CNTNAP5: variants seen among roughly 807,000 people sequenced by gnomAD.
CNTNAP5 encodes the protein contactin associated protein family member 5, also known as contactin-associated protein-like 5.
In CNTNAP5, 72 loss-of-function variants were observed where a neutral mutation model predicts 150.2. That is an observed-to-expected ratio of 0.48 (90% confidence interval 0.40 to 0.58). CNTNAP5 has a LOEUF of 0.58. Among genes scored for constraint, CNTNAP5 ranks in the 20% least tolerant of loss-of-function variants. The pLI, the probability that CNTNAP5 is intolerant of heterozygous loss-of-function variation, is 0.00. For missense variants in CNTNAP5, 1,636 were observed against 1,626.2 expected (o/e 1.01, Z -0.10); for synonymous variants, 672 against 619.8 (o/e 1.08, Z -1.25).
At chr2:124,120,059 T>C (rs765029023) in intron 1 of CNTNAP5, among the ~76,000 whole-genome samples, 2 of 152,182 alleles carry the variant, frequency 1.3e-5, no homozygotes, top group African/African-American at 2.4e-5. Context: ...CCAAGATCAC[T>C]CTACTGTGCA....
At chr2:124,300,703 A>G (rs1203493917) in intron 3 of CNTNAP5, among the ~76,000 whole-genome samples, 1 of 152,174 alleles carries the variant, frequency 6.6e-6, no homozygotes, top group Non-Finnish European at 1.5e-5. Flanking sequence ...AGGGCCAGGA[A>G]CTTTTTCATT....
At chr2:124,608,492 A>G (rs1054094986) in intron 11 of CNTNAP5, among the ~76,000 whole-genome samples, 1 of 152,172 alleles carries the variant, frequency 6.6e-6, no homozygotes, top group Non-Finnish European at 1.5e-5. Flanking sequence ...TTTCTGGGGT[A>G]GAGATTTATT....
At position 124,255,446 on chromosome 2, in the gene CNTNAP5, C is replaced by T. The variant is rs570471387; in HGVS notation, c.381+13053C>T. Among the ~76,000 whole-genome samples the T allele has an allele frequency of 2.4e-3, 359 of 151,872 alleles. 2 individuals carry two copies. The highest frequency in any genetic ancestry group is 0.014 in the Middle Eastern group (4 of 294). On this transcript the variant is annotated intron_variant, in intron 3 of 23. Coordinates refer to ENST00000682447, the MANE Select transcript of CNTNAP5 (RefSeq NM_001367498.1). ...GGCTGAGGCAGGAGAATCGCTTGAA[C>T]CAGGTAGGCAGAGGCTGCAGTTAGC...
At chr2:124,442,864 T>C (rs1034692980) in intron 5 of CNTNAP5, among the ~76,000 whole-genome samples, 1 of 152,210 alleles carries the variant, frequency 6.6e-6, no homozygotes, top group African/African-American at 2.4e-5. Flanking sequence ...ACCTTATTCT[T>C]ATTAAAAGAA....
Position 124,813,378 on chromosome 2 carries a change from GT to G in CNTNAP5, c.3217+15068del, listed in dbSNP as rs111265761. ...AGGCATGAGCCACCGTGCCTGGCCT[GT>G]TTTTTTTTTCTTTTTTTTTCTTTTT... On this transcript the variant is annotated intron_variant, in intron 19 of 23. Transcript: ENST00000682447. 4.2e-3 allele frequency among the ~76,000 whole-genome samples: 604 copies of G among 143,670 alleles called. 3 individuals are homozygous for G. Among genetic ancestry groups the G allele is most frequent in the East Asian group, 0.03 (149 of 4,988 alleles). 94.3% of individuals were successfully genotyped at this position (143,670 alleles called of 152,430 possible). A position where few individuals can be genotyped will look rare whatever the true frequency, so the allele number is the denominator to read the frequency against.
intron 1 of CNTNAP5, among the ~76,000 whole-genome samples, chr2:124,053,674 A>G (rs1187911594): frequency 6.6e-6 from 1 of 152,230 alleles, no homozygotes; most frequent in Non-Finnish European, 1.5e-5. Context: ...GTACAGTGTC[A>G]GGTACAATAC....
In CNTNAP5 at chr2:124,282,441, C is replaced by T. The variant is rs115364993; in HGVS notation, c.381+40048C>T. The stretch of plus-strand genomic sequence containing the variant: ...AATTGGTTGTAACAGATAATTTATG[C>T]CCTACATGCCAGAGAGTGTTCACAG... On this transcript the variant is annotated intron_variant, in intron 3 of 23. Transcript: ENST00000682447. Among the ~76,000 whole-genome samples, 337 of 152,208 alleles carry T rather than the reference C, an allele frequency of 2.2e-3. 1 individual carries two copies. Among genetic ancestry groups the T allele is most frequent in the African/African-American group, 7.8e-3 (326 of 41,542 alleles).
chr2:124,269,626 C>T (rs1687692234), intron 3 of CNTNAP5, among the ~76,000 whole-genome samples: 1 of 152,062 alleles, frequency 6.6e-6, no homozygotes, highest in East Asian at 1.9e-4. Flanking sequence ...AAGGCCTCTG[C>T]AGACTGACCC....
At chr2:124,651,673 T>A (rs992009556) in intron 13 of CNTNAP5, among the ~76,000 whole-genome samples, 2 of 152,158 alleles carry the variant, frequency 1.3e-5, no homozygotes, top group African/African-American at 4.8e-5. Flanking sequence ...TACAAGTAAA[T>A]GAAGGAGTCA....
chr2:124,891,040 C>T (rs1487470770), intron 21 of CNTNAP5, among the ~76,000 whole-genome samples: 1 of 152,034 alleles, frequency 6.6e-6, no homozygotes, highest in Non-Finnish European at 1.5e-5. Context: ...ATTAAACCAC[C>T]TCATAATTTA....
chr2:124,628,297 G>A (rs1403166121), intron 12 of CNTNAP5, among the ~76,000 whole-genome samples: 2 of 152,150 alleles, frequency 1.3e-5, no homozygotes, highest in East Asian at 1.9e-4. Flanking sequence ...GCAAAAAAAT[G>A]TTAAGAGCAG....
At chr2:124,545,192 A>G (rs1504007) in intron 10 of CNTNAP5, among the ~76,000 whole-genome samples, 63,181 of 151,908 alleles carry the variant, frequency 0.42, 13,608 homozygotes, top group East Asian at 0.63. Context: ...TTTTTCTAAA[A>G]TAAGAGAGTC....
intron 13 of CNTNAP5, among the ~76,000 whole-genome samples, chr2:124,703,910 G>A (rs1441892800): frequency 3.3e-5 from 5 of 152,196 alleles, no homozygotes; most frequent in Non-Finnish European, 5.9e-5. Flanking sequence ...ACTAAATGGG[G>A]TTTAAAGAAA....
chr2:124,135,857 G>T (rs145043881), intron 1 of CNTNAP5, among the ~76,000 whole-genome samples: 2 of 152,176 alleles, frequency 1.3e-5, no homozygotes, highest in African/African-American at 2.4e-5. Context: ...TATAAACTGC[G>T]TTTATTCCTT....
At chr2:124,582,853 A>G (rs1162087442) in intron 11 of CNTNAP5, among the ~76,000 whole-genome samples, 1 of 152,156 alleles carries the variant, frequency 6.6e-6, no homozygotes, top group Admixed American at 6.5e-5. Flanking sequence ...TTTCCTTACA[A>G]CTTTTGCCTA....
At chr2:124,032,075 T>G (rs1186308075) in intron 1 of CNTNAP5, among the ~76,000 whole-genome samples, 1 of 152,182 alleles carries the variant, frequency 6.6e-6, no homozygotes, top group Non-Finnish European at 1.5e-5. Flanking sequence ...GTCCATAACC[T>G]CAAGAAACTT....
intron 10 of CNTNAP5, among the ~76,000 whole-genome samples, chr2:124,537,187 GT>G (rs1376171425): frequency 6.6e-6 from 1 of 152,192 alleles, no homozygotes; most frequent in Non-Finnish European, 1.5e-5. Flanking sequence ...CAGCCTATAT[GT>G]GGTAGAGCCT....
At chr2:124,882,651 T>C (rs560584969) in intron 21 of CNTNAP5, among the ~76,000 whole-genome samples, 1 of 152,242 alleles carries the variant, frequency 6.6e-6, no homozygotes. Context: ...ACATTTCAGA[T>C]GCAGATCACA....
intron 3 of CNTNAP5, among the ~76,000 whole-genome samples, chr2:124,366,194 C>T (rs1297576634): frequency 6.6e-6 from 1 of 152,072 alleles, no homozygotes; most frequent in Non-Finnish European, 1.5e-5. Context: ...TAATGTAAAA[C>T]CAGAATCACA....
Sources: gnomAD v4.1 joint callset for allele counts (sites outside exome capture counted in the v4.1 genomes callset) on GRCh38, gnomAD v4.1.1 for gene constraint, MANE v1.5 for transcripts, NCBI Gene and HGNC (gene_info 2026-07-23, HGNC 2026-07-21) for gene names.